ESRRG: variants seen among roughly 807,000 people sequenced by gnomAD.
The protein encoded by ESRRG is estrogen related receptor gamma.
In ESRRG, 13 loss-of-function variants were observed where a neutral mutation model predicts 44.0. The ratio of observed to expected loss-of-function variants is 0.30; its 90% confidence interval spans 0.19 to 0.47. The LOEUF (loss-of-function observed/expected upper bound fraction) is 0.47. Among genes scored for constraint, ESRRG ranks in the 20% least tolerant of loss-of-function variants. ESRRG has a pLI of 1.00. For synonymous variants in ESRRG, 215 were observed against 214.6 expected, an observed-to-expected ratio of 1.00 and a Z score of -0.02; for missense variants, 395 against 580.6, an observed-to-expected ratio of 0.68 and a Z score of 3.29.
intron 1 of ESRRG, among the ~76,000 whole-genome samples, chr1:216,698,591 A>G (rs1452829728): frequency 6.6e-6 from 1 of 151,946 alleles, no homozygotes; most frequent in African/African-American, 2.4e-5. Flanking sequence ...AACTCTGCTC[A>G]TAACTAAGCC....
chr1:217,045,502 A>C (rs1224563777), intron 1 of ESRRG, among the ~76,000 whole-genome samples: 2 of 152,142 alleles, frequency 1.3e-5, no homozygotes, highest in Non-Finnish European at 2.9e-5. Context: ...CCCATTAACT[A>C]CCCTTGGGAC....
intron 5 of ESRRG, among the ~76,000 whole-genome samples, chr1:216,526,540 C>T (rs1264477013): frequency 6.6e-6 from 1 of 152,122 alleles, no homozygotes; most frequent in African/African-American, 2.4e-5. Flanking sequence ...CCTCCTGCCA[C>T]CTGCTCTTGG....
At chr1:216,789,521 T>C (rs988953940) in intron 2 of ESRRG, among the ~76,000 whole-genome samples, 1 of 152,184 alleles carries the variant, frequency 6.6e-6, no homozygotes, top group African/African-American at 2.4e-5. Context: ...TGTATAAACA[T>C]AATCAGTAAA....
At chr1:217,083,714 A>G (rs575735219) in intron 1 of ESRRG, among the ~76,000 whole-genome samples, 1 of 152,342 alleles carries the variant, frequency 6.6e-6, no homozygotes, top group African/African-American at 2.4e-5. Context: ...CAATTCTGCA[A>G]CCTTAGGAAA....
At chr1:216,877,633 A>AG (rs1216991547) in intron 2 of ESRRG, among the ~76,000 whole-genome samples, 1 of 151,966 alleles carries the variant, frequency 6.6e-6, no homozygotes, top group Non-Finnish European at 1.5e-5. Flanking sequence ...CTCGAACTCC[A>AG]GACCTTGTGA....
At position 216,778,175 on chromosome 1, in the gene ESRRG, G is replaced by C. The variant is rs543253238; in HGVS notation, c.-13-100684C>G. Among the ~76,000 whole-genome samples the C allele has an allele frequency of 4.6e-5, 7 of 152,168 alleles. No homozygotes were observed. In the South Asian group the frequency reaches 1.2e-3, roughly 27 times the overall value. On this transcript the variant is annotated intron_variant, in intron 2 of 7. Transcript: ENST00000359162. ...GTGCTGGGGGTGGGGTGTTATTAGA[G>C]AGTGCTCCTAAGAACTGAGTGGGGA...
chr1:216,572,993 A>G (rs1436549308), intron 3 of ESRRG, among the ~76,000 whole-genome samples: 1 of 152,010 alleles, frequency 6.6e-6, no homozygotes, highest in Non-Finnish European at 1.5e-5. Flanking sequence ...GAGAAATATA[A>G]TACAAATTAC....
At chr1:216,561,294 G>A (rs1017835947) in intron 5 of ESRRG, among the ~76,000 whole-genome samples, 13 of 152,088 alleles carry the variant, frequency 8.5e-5, no homozygotes, top group African/African-American at 2.7e-4. Flanking sequence ...ATATGTACGT[G>A]TATGGGTGTA....
At chr1:216,924,933 CT>C (rs1161294377) in intron 2 of ESRRG, among the ~76,000 whole-genome samples, 4 of 152,096 alleles carry the variant, frequency 2.6e-5, no homozygotes, top group Admixed American at 6.5e-5. Context: ...ATATTTACAT[CT>C]AGTAGCTCTC....
chr1:216,988,332 T>A (rs971630152), intron 1 of ESRRG, among the ~76,000 whole-genome samples: 7 of 152,220 alleles, frequency 4.6e-5, no homozygotes, highest in African/African-American at 1.7e-4. Context: ...CCATTATCAC[T>A]GTAGAAACTT....
At chr1:216,873,303 C>G (rs145154656) in intron 2 of ESRRG, among the ~76,000 whole-genome samples, 2,318 of 151,602 alleles carry the variant, frequency 0.015, 72 homozygotes, top group African/African-American at 0.054. Context: ...CCTCCGCCCC[C>G]CTGGTTCAAG....
At chr1:216,819,440 T>C (rs1174473694) in intron 2 of ESRRG, among the ~76,000 whole-genome samples, 1 of 152,222 alleles carries the variant, frequency 6.6e-6, no homozygotes, top group African/African-American at 2.4e-5. Context: ...CATTGATCCC[T>C]ACTTTGTGCT....
At chr1:217,005,466 C>T (rs1560444135) in intron 1 of ESRRG, among the ~76,000 whole-genome samples, 1 of 152,124 alleles carries the variant, frequency 6.6e-6, no homozygotes, top group Non-Finnish European at 1.5e-5. Context: ...TGTTGCTTGG[C>T]ATACACAGAT....
In ESRRG at chr1:216,503,492, A is replaced by G. The variant is rs1208596569; in HGVS notation, c.*3447T>C. The G allele has an allele frequency of 6.6e-6, 1 of 151,700 alleles. No individual in the cohort carries two copies. The highest frequency in any genetic ancestry group is 2.5e-5 in the African/African-American group (1 of 40,650). 9.4% of individuals were successfully genotyped at this position (151,700 alleles called of 1,614,324 possible). A position where few individuals can be genotyped will look rare whatever the true frequency, so the allele number is the denominator to read the frequency against. ...AGATGTGAAGCCCATCTACAGCTATAGACATGGTTTTATTATTATTATTAT... is the reference window on the plus strand; with the variant it reads ...AGATGTGAAGCCCATCTACAGCTATGGACATGGTTTTATTATTATTATTAT... On this transcript the variant is annotated 3_prime_UTR_variant, in exon 7 of 7. Transcript: ENST00000408911.
chr1:216,627,523 C>T (rs554724703), intron 3 of ESRRG, among the ~76,000 whole-genome samples: 107 of 152,202 alleles, frequency 7.0e-4, no homozygotes, highest in African/African-American at 2.5e-3. Flanking sequence ...TACTTTGCTG[C>T]GCAGGGTCAA....
chr1:216,872,136 C>T (rs1002730805), intron 2 of ESRRG, among the ~76,000 whole-genome samples: 1 of 152,094 alleles, frequency 6.6e-6, no homozygotes, highest in African/African-American at 2.4e-5. Flanking sequence ...CTTCCTTCTA[C>T]CCTCTATGGT....
chr1:216,753,566 G>A (rs1470028916), intron 2 of ESRRG, among the ~76,000 whole-genome samples: 1 of 152,018 alleles, frequency 6.6e-6, no homozygotes, highest in Non-Finnish European at 1.5e-5. Context: ...TTAAGTCTAT[G>A]TTCTGATTTT....
intron 1 of ESRRG, among the ~76,000 whole-genome samples, chr1:217,132,582 T>C (rs558998589): frequency 3.3e-5 from 5 of 152,308 alleles, no homozygotes; most frequent in African/African-American, 1.2e-4. Flanking sequence ...GATTATGCTC[T>C]GATTATTGGT....
chr1:216,708,416 C>T (rs573522191), intron 1 of ESRRG, among the ~76,000 whole-genome samples: 1 of 152,142 alleles, frequency 6.6e-6, no homozygotes, highest in Non-Finnish European at 1.5e-5. Context: ...ATAGATCCAC[C>T]TTATATAAAT....
Sources: gnomAD v4.1 joint callset for allele counts (sites outside exome capture counted in the v4.1 genomes callset) on GRCh38, gnomAD v4.1.1 for gene constraint, MANE v1.5 for transcripts, NCBI Gene and HGNC (gene_info 2026-07-23, HGNC 2026-07-21) for gene names.